Variants in MIPEP observed in about 807,000 individuals in gnomAD.
The protein encoded by MIPEP is mitochondrial intermediate peptidase.
In MIPEP, 79 loss-of-function variants were observed where a neutral mutation model predicts 90.3. That is an observed-to-expected ratio of 0.87 (90% CI 0.73 to 1.05). The LOEUF is 1.05. Ranked by LOEUF, MIPEP falls within the 50% of genes least tolerant of loss-of-function variation. The pLI is 0.00. For missense variants in MIPEP, 940 were observed against 905.6 expected, an observed-to-expected ratio of 1.04 and a Z score of -0.49; for synonymous variants, 334 against 315.8, an observed-to-expected ratio of 1.06 and a Z score of -0.61.
At chr13:23,778,254 G>A (rs369865747) in intron 16 of MIPEP, among the ~76,000 whole-genome samples, 11 of 152,246 alleles carry the variant, frequency 7.2e-5, no homozygotes, top group African/African-American at 1.9e-4. Context: ...TGAAAAGAAT[G>A]ATTGCATCAT....
At position 23,889,210 on chromosome 13, in the gene MIPEP, G is replaced by C. The variant is rs1422436013; in HGVS notation, c.111C>G (p.Ser37Arg). The C allele has an allele frequency of 2.8e-6, 4 of 1,444,560 alleles. No individual in the cohort carries two copies. The highest frequency in any genetic ancestry group is 2.7e-6 in the Non-Finnish European group (3 of 1,099,696). 89.5% of individuals were successfully genotyped at this position (1,444,560 alleles called of 1,614,324 possible). ...LEAGIRARRV[S>R]TSWSPVGAAF... ...CGGCGCCCACGGGAGACCAGCTGGT[G>C]CTGACCCTTCGGGCCCGGATCCCGG... The change falls in exon 1 of 19, where the codon AGC becomes AGG. Residue 37 changes from serine to arginine, a missense_variant. Ser to Arg is a moderately radical substitution (Grantham distance 110). Transcript: ENST00000382172.
intron 1 of MIPEP, among the ~76,000 whole-genome samples, chr13:23,887,766 C>T (rs1871568573): frequency 6.6e-6 from 1 of 152,212 alleles, no homozygotes; most frequent in African/African-American, 2.4e-5. Flanking sequence ...TCAGGCCTGA[C>T]AAGCCCTACT....
chr13:23,768,081 T>C (rs1952610330), intron 16 of MIPEP, among the ~76,000 whole-genome samples: 1 of 152,236 alleles, frequency 6.6e-6, no homozygotes, highest in African/African-American at 2.4e-5. Context: ...CCTTGTCCTC[T>C]TTCTCCTTTC....
chr13:23,754,277 A>C (rs2138508762), intron 18 of MIPEP, among the ~76,000 whole-genome samples: 1 of 152,318 alleles, frequency 6.6e-6, no homozygotes, highest in South Asian at 2.1e-4. Flanking sequence ...TATGGGTCTT[A>C]GCTTACAAAT....
chr13:23,771,634 G>C (rs945991608), intron 16 of MIPEP, among the ~76,000 whole-genome samples: 2 of 151,634 alleles, frequency 1.3e-5, no homozygotes, highest in Non-Finnish European at 2.9e-5. Context: ...CATAAGCTTA[G>C]GCCAAGGTGT....
At chr13:23,880,409 C>G (rs1447720324) in intron 3 of MIPEP, among the ~76,000 whole-genome samples, 1 of 152,248 alleles carries the variant, frequency 6.6e-6, no homozygotes, top group Non-Finnish European at 1.5e-5. Flanking sequence ...ACTGCCCCCA[C>G]TGCAGAGGTT....
chr13:23,849,278 A>T (rs982802264), intron 10 of MIPEP, among the ~76,000 whole-genome samples: 7 of 152,262 alleles, frequency 4.6e-5, no homozygotes, highest in African/African-American at 7.2e-5. Flanking sequence ...TGGGCAGCAT[A>T]TAGGACCTCA....
chr13:23,779,534 C>T (rs546963551), intron 16 of MIPEP, among the ~76,000 whole-genome samples: 113 of 152,194 alleles, frequency 7.4e-4, no homozygotes, highest in African/African-American at 2.5e-3. Flanking sequence ...GCGTGAGTGA[C>T]GCAGAAGACG....
intron 10 of MIPEP, among the ~76,000 whole-genome samples, chr13:23,848,254 TAGAC>T (rs1356105573): frequency 6.6e-6 from 1 of 152,192 alleles, no homozygotes; most frequent in East Asian, 1.9e-4. Context: ...TTATTGCTGT[TAGAC>T]AGAGACACGG....
intron 13 of MIPEP, 38 bp from the exon 14 acceptor site, chr13:23,836,387 A>G: frequency 7.8e-7 from 1 of 1,276,406 alleles, no homozygotes; most frequent in African/African-American, 1.5e-5. Context: ...CATGAATCAA[A>G]TCAATATATT....
At chr13:23,823,627 G>A (rs901639803) in intron 14 of MIPEP, among the ~76,000 whole-genome samples, 4 of 152,158 alleles carry the variant, frequency 2.6e-5, no homozygotes, top group Non-Finnish European at 4.4e-5. Context: ...CTGAATGTTC[G>A]AGAACAGGCT....
chr13:23,876,429 C>T (rs540938032), intron 4 of MIPEP, among the ~76,000 whole-genome samples: 12 of 152,252 alleles, frequency 7.9e-5, no homozygotes, highest in Admixed American at 7.2e-4. Flanking sequence ...AGTCCAACCC[C>T]GCAGTTCCAT....
chr13:23,817,337 TG>T (rs1414126204), intron 14 of MIPEP, among the ~76,000 whole-genome samples: 1 of 152,230 alleles, frequency 6.6e-6, no homozygotes, highest in East Asian at 1.9e-4. Flanking sequence ...TTGGCACGTA[TG>T]ACAGACAGCA....
intron 11 of MIPEP, among the ~76,000 whole-genome samples, 198 bp downstream of exon 11, chr13:23,841,137 T>C (rs567553288): frequency 7.3e-4 from 111 of 152,312 alleles, no homozygotes; most frequent in Non-Finnish European, 1.3e-3. Flanking sequence ...TTTAGAAAAC[T>C]CTGCTGTTTT....
chr13:23,869,213 A>G, intron 7 of MIPEP, 79 bp downstream of exon 7: 1 of 1,290,654 alleles, frequency 7.7e-7, no homozygotes, highest in Non-Finnish European at 1.1e-6. Flanking sequence ...TAGAACACTA[A>G]TTTACAGCTA....
intron 16 of MIPEP, among the ~76,000 whole-genome samples, chr13:23,802,505 T>C (rs1953055308): frequency 6.6e-6 from 1 of 152,056 alleles, no homozygotes; most frequent in South Asian, 2.1e-4. Flanking sequence ...GAGGCAAAGG[T>C]TGCAGTGAGC....
intron 10 of MIPEP, among the ~76,000 whole-genome samples, chr13:23,846,241 T>G (rs181076959): frequency 6.6e-6 from 1 of 152,300 alleles, no homozygotes; most frequent in Non-Finnish European, 1.5e-5. Flanking sequence ...AATAGAGATA[T>G]GCCCTTTATT....
chr13:23,875,027 A>C (rs1028248443), intron 4 of MIPEP, 118 bp from the exon 5 acceptor site: 5 of 400,650 alleles, frequency 1.2e-5, no homozygotes, highest in South Asian at 5.8e-5. Context: ...GTTTCTTCAA[A>C]ACACACACAC....
At position 23,806,068 on chromosome 13, in the gene MIPEP, A is replaced by G; in HGVS notation, c.1730T>C (p.Val577Ala). The change falls in exon 16 of 19, where the codon GTC (valine) becomes GCC (alanine). Residue 577 changes from valine (V) to alanine (A), a missense_variant and splice_region_variant. By Grantham distance (64) the Val-to-Ala change is moderately conservative (BLOSUM62 0). Coordinates refer to ENST00000382172, the MANE Select transcript of MIPEP (RefSeq NM_005932.4). ...GATTTGATCCAGAGTGGCATAAAAG[A>G]CCTAGATAGATAAAAACATCTACTT... ...VCAAADMQLQ[V>A]FYATLDQIYH... 6.2e-7 allele frequency: 1 copy of G among 1,613,724 alleles called. No individual in the cohort carries two copies. Among genetic ancestry groups the G allele is most frequent in the Non-Finnish European group, 8.5e-7 (1 of 1,179,896 alleles).
Sources: gnomAD v4.1 joint callset for allele counts (sites outside exome capture counted in the v4.1 genomes callset) on GRCh38, gnomAD v4.1.1 for gene constraint, MANE v1.5 for transcripts, NCBI Gene and HGNC (gene_info 2026-07-23, HGNC 2026-07-21) for gene names.